TNKS: variants seen among roughly 807,000 people sequenced by gnomAD.
The protein encoded by TNKS is poly [ADP-ribose] polymerase tankyrase-1.
TNKS carries 72 observed loss-of-function variants against 135.8 expected under a neutral mutation model. The ratio of observed to expected loss-of-function variants is 0.53; its 90% confidence interval spans 0.44 to 0.64. The LOEUF (loss-of-function observed/expected upper bound fraction) is 0.64. Ranked by LOEUF, TNKS falls within the 30% of genes least tolerant of loss-of-function variation. TNKS has a pLI of 0.00. For missense variants in TNKS, 1,769 were observed against 1,674.0 expected (o/e 1.06, Z -0.99); for synonymous variants, 849 against 649.3 (o/e 1.31, Z -4.68).
At position 9,556,596 on chromosome 8, in the gene TNKS, C is replaced by T. The variant is rs1413898387; in HGVS notation, c.657C>T (p.Pro219=). 6.2e-7 allele frequency: 1 copy of T among 1,613,646 alleles called. No homozygotes were observed. Among genetic ancestry groups the T allele is most frequent in the Non-Finnish European group, 8.5e-7 (1 of 1,180,036 alleles). ...AKDMAGRKSS[P]LHFAAGFGRK... is the part of the protein sequence containing the mutation. ...ACATGGCCGGCCGGAAGTCTTCTCC[C>T]CTGCACTTCGCTGCAGGTCAGAGAC... is the stretch of plus-strand genomic sequence containing the variant. Residue 219 remains proline, a synonymous_variant, in exon 1 of 27, where the codon CCC becomes CCT. Coordinates refer to ENST00000310430, the MANE Select transcript of TNKS (RefSeq NM_003747.3).
intron 2 of TNKS, among the ~76,000 whole-genome samples, chr8:9,600,980 A>G (rs1389623637): frequency 3.9e-5 from 6 of 152,224 alleles, no homozygotes; most frequent in Non-Finnish European, 8.8e-5. Context: ...AGAATGATCC[A>G]ATTTTTCTTT....
intron 3 of TNKS, among the ~76,000 whole-genome samples, chr8:9,648,234 A>T (rs1205820954): frequency 6.6e-6 from 1 of 152,142 alleles, no homozygotes; most frequent in Non-Finnish European, 1.5e-5. Context: ...TTTTTTCTTC[A>T]ACGATGAATT....
chr8:9,727,698 A>G (rs539798811), intron 13 of TNKS, among the ~76,000 whole-genome samples: 8 of 152,360 alleles, frequency 5.3e-5, no homozygotes, highest in African/African-American at 1.9e-4. Context: ...ATTTTTAGCA[A>G]ACTAATTTTA....
At chr8:9,625,517 T>G (rs143879660) in intron 3 of TNKS, among the ~76,000 whole-genome samples, 1 of 152,226 alleles carries the variant, frequency 6.6e-6, no homozygotes, top group African/African-American at 2.4e-5. Flanking sequence ...ATGTATGTAT[T>G]TAATGTTATA....
chr8:9,642,671 T>C (rs1800769451), intron 3 of TNKS, among the ~76,000 whole-genome samples: 1 of 146,352 alleles, frequency 6.8e-6, no homozygotes, highest in Admixed American at 7.2e-5. Flanking sequence ...CATTTTTCTT[T>C]TTTTAGCCCT....
chr8:9,587,008 T>A (rs1798406514), intron 2 of TNKS, among the ~76,000 whole-genome samples: 1 of 152,346 alleles, frequency 6.6e-6, no homozygotes, highest in South Asian at 2.1e-4. Context: ...AGAAGTTACA[T>A]GCTATATGTG....
intron 2 of TNKS, among the ~76,000 whole-genome samples, chr8:9,607,250 A>G (rs1585223617): frequency 6.6e-6 from 1 of 152,350 alleles, no homozygotes; most frequent in South Asian, 2.1e-4. Context: ...ATCATTTTAC[A>G]TTTATGCAAA....
chr8:9,652,403 G>A (rs994739969), intron 3 of TNKS, among the ~76,000 whole-genome samples: 7 of 152,060 alleles, frequency 4.6e-5, no homozygotes, highest in African/African-American at 1.4e-4. Context: ...TTAAGGCCCT[G>A]TCTTTTTTTA....
chr8:9,627,649 G>A (rs1314373589), intron 3 of TNKS, among the ~76,000 whole-genome samples: 1 of 152,080 alleles, frequency 6.6e-6, no homozygotes, highest in Non-Finnish European at 1.5e-5. Flanking sequence ...GTTGATTGTG[G>A]TGGTGCCAGA....
In TNKS at chr8:9,703,763, G is replaced by A. The variant is rs1158893666; in HGVS notation, c.1108-900G>A. Reference sequence around the variant, plus strand: ...AATAGAAGACAGGAAAAATGAAAGGGAATGCATTAAAGTATATTAAAGCCT... The same window carrying A: ...AATAGAAGACAGGAAAAATGAAAGGAAATGCATTAAAGTATATTAAAGCCT... On this transcript the variant is annotated intron_variant, in intron 5 of 26. Transcript: ENST00000310430. 3.3e-5 allele frequency among the ~76,000 whole-genome samples: 5 copies of A among 152,174 alleles called. No homozygotes were observed. The South Asian group carries it at 1.0e-3, about 32-fold the overall frequency.
chr8:9,620,980 G>A (rs998936222), intron 3 of TNKS, among the ~76,000 whole-genome samples: 16 of 152,158 alleles, frequency 1.1e-4, no homozygotes, highest in Admixed American at 6.5e-5. Flanking sequence ...TCTAAGGTCC[G>A]ATTACTGATA....
At chr8:9,671,313 A>G (rs1802259626) in intron 3 of TNKS, 1 of 152,238 alleles carries the variant, frequency 6.6e-6, no homozygotes, top group Non-Finnish European at 1.5e-5. Flanking sequence ...TGTTGCCAGT[A>G]GCTTTCTTCA....
At chr8:9,566,529 T>A (rs1797547698) in intron 1 of TNKS, 1 of 151,968 alleles carries the variant, frequency 6.6e-6, no homozygotes, top group South Asian at 2.1e-4. Context: ...AGTTAACACT[T>A]CTGATTTCTG....
At chr8:9,604,740 A>G (rs1332743496) in intron 2 of TNKS, among the ~76,000 whole-genome samples, 2 of 151,798 alleles carry the variant, frequency 1.3e-5, no homozygotes, top group African/African-American at 4.8e-5. Flanking sequence ...AGCTCTGTAA[A>G]TACATACATA....
intron 2 of TNKS, among the ~76,000 whole-genome samples, chr8:9,583,712 C>G (rs1798258432): frequency 6.6e-6 from 1 of 152,038 alleles, no homozygotes; most frequent in Non-Finnish European, 1.5e-5. Context: ...TGCTCTCGAT[C>G]TCTTGACCTT....
intron 2 of TNKS, among the ~76,000 whole-genome samples, chr8:9,596,107 C>T (rs1483562127): frequency 6.6e-6 from 1 of 152,088 alleles, no homozygotes; most frequent in Admixed American, 6.6e-5. Context: ...GGGACCCTGT[C>T]TCAAAATACA....
chr8:9,590,267 A>G (rs770200189), intron 2 of TNKS, among the ~76,000 whole-genome samples: 23 of 151,862 alleles, frequency 1.5e-4, no homozygotes, highest in Non-Finnish European at 2.9e-4. Context: ...TCCAGCTACA[A>G]TGGCCTTTTT....
At chr8:9,643,315 G>A (rs1357552793) in intron 3 of TNKS, among the ~76,000 whole-genome samples, 2 of 145,798 alleles carry the variant, frequency 1.4e-5, no homozygotes, top group African/African-American at 2.5e-5. Context: ...TGAGGGACCC[G>A]TGTCTGGTTA....
At chr8:9,684,958 C>T (rs1802927385) in intron 5 of TNKS, among the ~76,000 whole-genome samples, 1 of 152,024 alleles carries the variant, frequency 6.6e-6, no homozygotes, top group African/African-American at 2.4e-5. Flanking sequence ...GTGTTTTTTC[C>T]TGGCCCTTTT....
Sources: allele counts gnomAD v4.1 joint callset (sites outside exome capture counted in the v4.1 genomes callset), GRCh38; gene constraint gnomAD v4.1.1; transcripts MANE v1.5; gene names NCBI Gene and HGNC (gene_info 2026-07-23, HGNC 2026-07-21).